Variants in RORA observed in about 807,000 individuals in gnomAD.
The protein encoded by RORA is RAR related orphan receptor A, also known as nuclear receptor ROR-alpha.
RORA carries 7 observed loss-of-function variants against 69.5 expected under a neutral mutation model. The ratio of observed to expected loss-of-function variants is 0.10; its 90% CI spans 0.06 to 0.19. The LOEUF is 0.19. RORA is among the 10% of genes least tolerant of loss of function. RORA has a pLI of 1.00. For missense variants in RORA, 457 were observed against 663.0 expected, an observed-to-expected ratio of 0.69 and a Z score of 3.41; for synonymous variants, 261 against 240.8, an observed-to-expected ratio of 1.08 and a Z score of -0.78.
At chr15:60,999,019 C>T (rs944038274) in intron 1 of RORA, among the ~76,000 whole-genome samples, 1 of 152,040 alleles carries the variant, frequency 6.6e-6, no homozygotes, top group Non-Finnish European at 1.5e-5. Flanking sequence ...ATCCAGAACA[C>T]AATAAACAAC....
intron 2 of RORA, among the ~76,000 whole-genome samples, chr15:60,629,230 A>G (rs2069675218): frequency 8.6e-6 from 1 of 116,478 alleles, no homozygotes; most frequent in East Asian, 2.6e-4. Context: ...CTCTGTTGCC[A>G]GGCTGGAGTG....
In RORA at chr15:60,497,608, C is replaced by T. The variant is rs750212205; in HGVS notation, c.1419G>A (p.Lys473=). 3.1e-6 allele frequency: 5 copies of T among 1,610,668 alleles called. No individual in the cohort carries two copies. Among genetic ancestry groups the T allele is most frequent in the Non-Finnish European group, 4.2e-6 (5 of 1,177,014 alleles). Reference sequence around the variant, plus strand: ...CACATAAGGCTCTTAAGGTAGACACCTTGCATATTAACTGTAAGTGAAAGA... The same window carrying T: ...CACATAAGGCTCTTAAGGTAGACACTTTGCATATTAACTGTAAGTGAAAGA... ...EDGILTKLIC[K]VSTLRALCGR... is the part of the protein sequence containing the mutation. The change falls in exon 11 of 11, where the codon AAG becomes AAA. Residue 473 remains lysine (K), a synonymous_variant. Transcript: ENST00000335670.
chr15:60,950,207 G>T (rs1182466459), intron 1 of RORA, among the ~76,000 whole-genome samples: 1 of 151,196 alleles, frequency 6.6e-6, no homozygotes, highest in Non-Finnish European at 1.5e-5. Context: ...AAGTGAAGGA[G>T]AAATAAAACA....
rs12439431 is a variant in RORA, at chr15:60,852,925, G to A, written c.167-174239C>T. Among the ~76,000 whole-genome samples, 770 of 152,210 alleles carry A rather than the reference G, an allele frequency of 5.1e-3. 14 individuals are homozygous for A. Among genetic ancestry groups the A allele is most frequent in the Admixed American group, 0.014 (210 of 15,274 alleles). On this transcript the variant is annotated intron_variant, in intron 1 of 10. Coordinates refer to ENST00000335670, the MANE Select transcript of RORA (RefSeq NM_134261.3). ...AAAATGAATATGAGAAGGAAACATG[G>A]GCTGGTCCAGGTGGGACAAAGGCCC... is the stretch of plus-strand genomic sequence containing the variant.
intron 3 of RORA, among the ~76,000 whole-genome samples, chr15:60,526,438 G>A (rs1028574209): frequency 2.0e-5 from 3 of 152,210 alleles, no homozygotes; most frequent in African/African-American, 7.2e-5. Flanking sequence ...TTTTCTGTGA[G>A]CTGAGGAAGG....
intron 1 of RORA, among the ~76,000 whole-genome samples, chr15:60,739,699 G>A (rs1477563625): frequency 6.6e-6 from 1 of 152,074 alleles, no homozygotes; most frequent in Non-Finnish European, 1.5e-5. Flanking sequence ...GCCCTGCCTC[G>A]GGGACCTCCC....
At chr15:60,695,773 G>T (rs974886796) in intron 1 of RORA, among the ~76,000 whole-genome samples, 1 of 152,010 alleles carries the variant, frequency 6.6e-6, no homozygotes, top group South Asian at 2.1e-4. Flanking sequence ...CTTACTGAAG[G>T]GTGCTTTAAA....
chr15:60,794,380 T>C (rs753778870), intron 1 of RORA, among the ~76,000 whole-genome samples: 1 of 152,226 alleles, frequency 6.6e-6, no homozygotes, highest in South Asian at 2.1e-4. Flanking sequence ...ACCCAACTTA[T>C]AGCACATAAT....
chr15:60,914,335 C>T (rs1205334548), intron 1 of RORA, among the ~76,000 whole-genome samples: 3 of 152,164 alleles, frequency 2.0e-5, no homozygotes, highest in Non-Finnish European at 2.9e-5. Context: ...GGAATGCAGG[C>T]TCCTAGCCAC....
intron 1 of RORA, among the ~76,000 whole-genome samples, chr15:60,771,084 T>C (rs1272791501): frequency 1.3e-5 from 2 of 152,232 alleles, no homozygotes; most frequent in Admixed American, 6.5e-5. Context: ...ACCCTATCCA[T>C]AGCGCATAAG....
intron 1 of RORA, among the ~76,000 whole-genome samples, chr15:61,179,007 GTGGATTCAAACCAAAA>G (rs2079657304): frequency 1.3e-5 from 2 of 152,000 alleles, no homozygotes. Context: ...TTTCTCTTTT[GTGGATTCAAACCAAAA>G]TAACCATGGT....
At chr15:60,670,207 T>TTTTTC in intron 2 of RORA, among the ~76,000 whole-genome samples, 1 of 101,562 alleles carries the variant, frequency 9.8e-6, no homozygotes. Flanking sequence ...ACCTCTTTTT[T>TTTTTC]TTTTTTCTTT....
At chr15:60,804,237 G>A (rs907560888) in intron 1 of RORA, among the ~76,000 whole-genome samples, 2 of 133,238 alleles carry the variant, frequency 1.5e-5, no homozygotes, top group Non-Finnish European at 3.1e-5. Context: ...GCAGTTAGCC[G>A]AGATCACACC....
chr15:60,943,916 CAAAAAAAAAAAA>C (rs545168599), intron 1 of RORA, among the ~76,000 whole-genome samples: 4 of 32,330 alleles, frequency 1.2e-4, no homozygotes, highest in Admixed American at 4.4e-4. Context: ...ACTCCATCTC[CAAAAAAAAAAAA>C]AAAAAAAAAA....
Position 60,492,820 on chromosome 15 carries a change from T to C in RORA, c.*4635A>G, listed in dbSNP as rs1384476439. On this transcript the variant is annotated 3_prime_UTR_variant, in exon 11 of 11. Transcript: ENST00000335670. ...ACACAAGACTGACGAGCACATCAAGTTCTAAACTCAACAAAATGAGACGAG... is the reference window on the plus strand; with the variant it reads ...ACACAAGACTGACGAGCACATCAAGCTCTAAACTCAACAAAATGAGACGAG... 6.6e-6 allele frequency: 1 copy of C among 152,164 alleles called. No individual in the cohort carries two copies. The highest frequency in any genetic ancestry group is 1.5e-5 in the Non-Finnish European group (1 of 68,008). The allele number at this position is 152,164 out of a possible 1,614,324, so 9.4% of individuals were successfully genotyped here.
At chr15:61,158,603 T>C (rs894006257) in intron 1 of RORA, among the ~76,000 whole-genome samples, 1 of 152,206 alleles carries the variant, frequency 6.6e-6, no homozygotes, top group Non-Finnish European at 1.5e-5. Flanking sequence ...TCTTTACAAG[T>C]GTCCACTTAT....
chr15:60,619,238 C>CA (rs1319425426), intron 2 of RORA, among the ~76,000 whole-genome samples: 1 of 152,210 alleles, frequency 6.6e-6, no homozygotes, highest in South Asian at 2.1e-4. Flanking sequence ...GAAATGACTA[C>CA]AAAAATTGAC....
rs549255801 is a variant in RORA at position 60,802,960 on chromosome 15, A to T, written c.167-124274T>A. Among the ~76,000 whole-genome samples the T allele has an allele frequency of 3.5e-3, 526 of 151,022 alleles. 3 individuals are homozygous for T. Among genetic ancestry groups the T allele is most frequent in the East Asian group, 8.6e-3 (44 of 5,134 alleles). ...CCTAAATGTTTTGTTTCTTTTTTAA[A>T]AAAAAAAATTTAAAGCCATACCACT... On this transcript the variant is annotated intron_variant, in intron 1 of 10. Transcript: ENST00000335670.
intron 2 of RORA, among the ~76,000 whole-genome samples, chr15:60,664,273 G>A (rs1355249462): frequency 6.6e-6 from 1 of 152,172 alleles, no homozygotes; most frequent in East Asian, 1.9e-4. Context: ...AGGAGAGGAG[G>A]ATGGTGGTGA....
Sources: gnomAD v4.1 joint callset for allele counts (sites outside exome capture counted in the v4.1 genomes callset) on GRCh38, gnomAD v4.1.1 for gene constraint, MANE v1.5 for transcripts, NCBI Gene and HGNC (gene_info 2026-07-23, HGNC 2026-07-21) for gene names.